Variants in SLC4A3 observed in about 807,000 individuals in gnomAD.
SLC4A3 encodes anion exchange protein 3.
A neutral mutation model predicts 114.2 loss-of-function variants in SLC4A3; 47 were observed. That is an observed-to-expected ratio of 0.41 (90% CI 0.33 to 0.52). The LOEUF (loss-of-function observed/expected upper bound fraction) is 0.52. Among genes scored for constraint, SLC4A3 ranks in the 20% least tolerant of loss-of-function variants. SLC4A3 has a pLI of 0.21. For missense variants in SLC4A3, 1,312 were observed against 1,668.3 expected (o/e 0.79, Z 3.72); for synonymous variants, 693 against 710.3 (o/e 0.98, Z 0.39).
chr2:219,632,555 C>A, intron 8 of SLC4A3, 113 bp downstream of exon 8: 1 of 1,255,748 alleles, frequency 8.0e-7, no homozygotes. Flanking sequence ...ATCCAACTGC[C>A]ACCTGGGACC....
rs746843074 is a variant in SLC4A3, at chr2:219,639,446, G to A, written c.3024-36G>A. Reference sequence around the variant, plus strand: ...TGTCTTTGTCCCCTGCCCCTGCCAGGCCAGCCACACCCCGCTCCCCACCTT... The same window carrying A: ...TGTCTTTGTCCCCTGCCCCTGCCAGACCAGCCACACCCCGCTCCCCACCTT... On this transcript the variant is annotated intron_variant, in intron 19 of 22. Coordinates refer to ENST00000358055, the MANE Select transcript of SLC4A3 (RefSeq NM_005070.4). This position sits in a 1 kb window ranked among gnomAD's most constrained non-coding sequence, Gnocchi z 5.9. 3 of 1,595,876 alleles carry A rather than the reference G, an allele frequency of 1.9e-6. No individual in the cohort carries two copies. The highest frequency in any genetic ancestry group is 2.6e-6 in the Non-Finnish European group (3 of 1,172,616).
chr2:219,640,299 C>T, intron 20 of SLC4A3, 131 bp from the exon 21 acceptor site: 7 of 877,454 alleles, frequency 8.0e-6, no homozygotes, highest in Non-Finnish European at 1.2e-5. Flanking sequence ...GTCCATGTCG[C>T]CTCCCCCCAG....
In SLC4A3 at chr2:219,637,167, T is replaced by C. The variant is rs180844950; in HGVS notation, c.2535+293T>C. 2.9e-3 allele frequency among the ~76,000 whole-genome samples: 443 copies of C among 151,608 alleles called. 1 individual carries two copies. Among genetic ancestry groups the C allele is most frequent in the Non-Finnish European group, 4.9e-3 (331 of 67,846 alleles). On this transcript the variant is annotated intron_variant, in intron 16 of 22. Coordinates refer to ENST00000358055, the MANE Select transcript of SLC4A3 (RefSeq NM_005070.4). The surrounding 1 kb of genome is among the most constrained non-coding windows in gnomAD (Gnocchi z 4.6). ...GAGCTGTCAGTGCTAAGGGGCTGGG[T>C]GTCCTTGGGTCACCTTTTGTAGAGG...
rs1207341910 is a variant in SLC4A3, at chr2:219,640,564, G to A, written c.3412G>A (p.Ala1138Thr). The A allele has an allele frequency of 6.2e-7, 1 of 1,614,150 alleles. No homozygotes were observed. ...GCGTTTGTTGCTCATCCTCATGCCG[G>A]CAAAACACCATCCTGAGCAGCCCTA... is the stretch of plus-strand genomic sequence containing the variant. ...SQRLLLILMPAKHHPEQPYVT... is the reference protein window; with the variant it reads ...SQRLLLILMPTKHHPEQPYVT... Residue 1138 changes from alanine to threonine, a missense_variant, in exon 21 of 23, where the codon GCA becomes ACA. Physicochemically the swap from Ala to Thr is moderately conservative, Grantham distance 58. Transcript: ENST00000358055.
chr2:219,641,674 A>G lies in SLC4A3; in HGVS notation c.3645A>G (p.Pro1215=). The change falls in exon 23 of 23, where the codon CCA becomes CCG. Residue 1215 remains proline (P), a synonymous_variant. Transcript: ENST00000358055. This position sits in a 1 kb window ranked among gnomAD's most constrained non-coding sequence, Gnocchi z 4.0. Reference sequence around the variant, plus strand: ...AGCTGGACTCGGAAGATGCTGAACCAAACTTCGATGAGGATGGCCAGGATG... The same window carrying G: ...AGCTGGACTCGGAAGATGCTGAACCGAACTTCGATGAGGATGGCCAGGATG... The part of the protein sequence containing the change: ...LQALDSEDAE[P]NFDEDGQDEY... 1 of 1,614,120 alleles carries G rather than the reference A, an allele frequency of 6.2e-7. No homozygotes were observed.
rs371602156 is a variant in SLC4A3 at position 219,639,566 on chromosome 2, G to A, written c.3108G>A (p.Gly1036=). 5.0e-5 allele frequency: 81 copies of A among 1,614,070 alleles called. 1 individual carries two copies. In the South Asian group the frequency reaches 8.5e-4, roughly 17 times the overall value. ...TGCTCCTCATTGGCTCCCTGGGGGG[G>A]CTCTGTGGGCTGTTTGGGTTGCCCT... ...LDLLLIGSLG[G]LCGLFGLPWL... is the part of the protein sequence containing the mutation. Residue 1036 remains glycine (G), a synonymous_variant, in exon 20 of 23, where the codon GGG becomes GGA. Coordinates refer to ENST00000358055, the MANE Select transcript of SLC4A3 (RefSeq NM_005070.4). The surrounding 1 kb of genome is among the most constrained non-coding windows in gnomAD (Gnocchi z 5.9).
In SLC4A3 at chr2:219,636,660, C is replaced by T; in HGVS notation, c.2341-20C>T. 1.9e-6 allele frequency: 3 copies of T among 1,603,598 alleles called. No individual in the cohort carries two copies. The highest frequency in any genetic ancestry group is 2.6e-6 in the Non-Finnish European group (3 of 1,174,118). On this transcript the variant is annotated intron_variant, in intron 15 of 22. Coordinates refer to ENST00000358055, the MANE Select transcript of SLC4A3 (RefSeq NM_005070.4). This position sits in a 1 kb window ranked among gnomAD's most constrained non-coding sequence, Gnocchi z 5.5. ...AGGGCAGTCCACCTGTGGGTAACGACCGCTCCTACCCCCACCTAGTTCTGC... is the reference window on the plus strand; with the variant it reads ...AGGGCAGTCCACCTGTGGGTAACGATCGCTCCTACCCCCACCTAGTTCTGC...
At position 219,637,681 on chromosome 2, in the gene SLC4A3, C is replaced by A; in HGVS notation, c.2636C>A (p.Pro879His). The A allele has an allele frequency of 1.2e-6, 2 of 1,611,456 alleles. No individual in the cohort carries two copies. The highest frequency in any genetic ancestry group is 1.1e-5 in the South Asian group (1 of 91,036). ...GAGCCAAATGGCAGTGCCCTGCCCCCCACCGAGGGCCCCCCCAGCCCGAGG... is the reference window on the plus strand; with the variant it reads ...GAGCCAAATGGCAGTGCCCTGCCCCACACCGAGGGCCCCCCCAGCCCGAGG... ...GLEPNGSALPPTEGPPSPRNQ... is the reference protein window; with the variant it reads ...GLEPNGSALPHTEGPPSPRNQ... Residue 879 changes from proline (P) to histidine (H), a missense_variant, in exon 17 of 23, where the codon CCC (proline) becomes CAC (histidine). Coordinates refer to ENST00000358055, the MANE Select transcript of SLC4A3 (RefSeq NM_005070.4). The surrounding 1 kb of genome is among the most constrained non-coding windows in gnomAD (Gnocchi z 4.6).
rs567839897 is a variant in SLC4A3, at chr2:219,633,167, T to C, written c.1278-107T>C. On this transcript the variant is annotated intron_variant, in intron 9 of 22. Coordinates refer to ENST00000358055, the MANE Select transcript of SLC4A3 (RefSeq NM_005070.4). ...CTTTCAATCATTATAAAGTTTCTTTTTACACTGAGGCAGAGGGATGGAGGT... is the reference window on the plus strand; with the variant it reads ...CTTTCAATCATTATAAAGTTTCTTTCTACACTGAGGCAGAGGGATGGAGGT... 6.5e-5 allele frequency: 90 copies of C among 1,388,210 alleles called. No individual in the cohort carries two copies. The African/African-American group carries it at 1.3e-3, about 19-fold the overall frequency. 86.0% of individuals were successfully genotyped at this position (1,388,210 alleles called of 1,614,324 possible). A position where few individuals can be genotyped will look rare whatever the true frequency, so the allele number is the denominator to read the frequency against.
rs1272427051 is a variant in SLC4A3, at chr2:219,641,342, A to G, written c.3622-309A>G. 1.3e-5 allele frequency among the ~76,000 whole-genome samples: 2 copies of G among 152,196 alleles called. No homozygotes were observed. The highest frequency in any genetic ancestry group is 2.9e-5 in the Non-Finnish European group (2 of 68,038). On this transcript the variant is annotated intron_variant, in intron 22 of 22. Transcript: ENST00000358055. The surrounding 1 kb of genome is among the most constrained non-coding windows in gnomAD (Gnocchi z 4.0). The stretch of plus-strand genomic sequence containing the variant: ...GTTTTTGTCAACTAGAGGAAAAGAC[A>G]TCTTTTTGCAATTTATCCATACTCA...
Position 219,639,379 on chromosome 2 carries a change from C to T in SLC4A3, c.3024-103C>T. On this transcript the variant is annotated intron_variant, in intron 19 of 22. Coordinates refer to ENST00000358055, the MANE Select transcript of SLC4A3 (RefSeq NM_005070.4). This position sits in a 1 kb window ranked among gnomAD's most constrained non-coding sequence, Gnocchi z 5.9. ...TGGCAGTCCTAGGGAGAACTGTTGT[C>T]TGCACGTCCTCCCCCCACCATCTCG... 2 of 1,369,906 alleles carry T rather than the reference C, an allele frequency of 1.5e-6. No individual in the cohort carries two copies. Among genetic ancestry groups the T allele is most frequent in the Non-Finnish European group, 2.0e-6 (2 of 992,192 alleles). 84.9% of individuals were successfully genotyped at this position (1,369,906 alleles called of 1,614,324 possible). A position where few individuals can be genotyped will look rare whatever the true frequency, so the allele number is the denominator to read the frequency against.
chr2:219,640,089 C>T (rs1191095345), intron 20 of SLC4A3, among the ~76,000 whole-genome samples: 2 of 152,182 alleles, frequency 1.3e-5, no homozygotes, highest in Non-Finnish European at 2.9e-5. Context: ...CCACCACGCC[C>T]AGCTAATTTT....
intron 8 of SLC4A3, 145 bp from the exon 9 acceptor site, chr2:219,632,729 A>G (rs1253615680): frequency 9.6e-7 from 1 of 1,043,814 alleles, no homozygotes; most frequent in Admixed American, 2.5e-5. Flanking sequence ...GCCTGTGGCA[A>G]TATGGAGCTG....
chr2:219,634,300 G>A, intron 11 of SLC4A3, 120 bp from the exon 12 acceptor site: 4 of 948,128 alleles, frequency 4.2e-6, no homozygotes, highest in Admixed American at 2.3e-5. Context: ...TTTTAGACTG[G>A]GGTTTCTTTG....
Position 219,641,612 on chromosome 2 carries a change from T to G in SLC4A3, c.3622-39T>G. ...GCTGGAGAATGGGAGGGGACGAGCATGCTTCCCTGCCTTCCCCAACCTTCT... is the reference window on the plus strand; with the variant it reads ...GCTGGAGAATGGGAGGGGACGAGCAGGCTTCCCTGCCTTCCCCAACCTTCT... On this transcript the variant is annotated intron_variant, in intron 22 of 22. Transcript: ENST00000358055. This position sits in a 1 kb window ranked among gnomAD's most constrained non-coding sequence, Gnocchi z 4.0. The G allele has an allele frequency of 1.3e-6, 2 of 1,543,284 alleles. No individual in the cohort carries two copies. Among genetic ancestry groups the G allele is most frequent in the Non-Finnish European group, 1.8e-6 (2 of 1,115,686 alleles).
At position 219,633,284 on chromosome 2, in the gene SLC4A3, G is replaced by T; in HGVS notation, c.1288G>T (p.Asp430Tyr). 1 of 1,559,336 alleles carries T rather than the reference G, an allele frequency of 6.4e-7. No individual in the cohort carries two copies. Among genetic ancestry groups the T allele is most frequent in the Non-Finnish European group, 8.7e-7 (1 of 1,149,512 alleles). Residue 430 changes from aspartate (D) to tyrosine (Y), a missense_variant, in exon 10 of 23, where the codon GAT becomes TAT. Around this residue, in one of 4 missense-constraint regions of SLC4A3, gnomAD observed 771 missense variants for 977.7 expected, o/e 0.79. Coordinates refer to ENST00000358055, the MANE Select transcript of SLC4A3 (RefSeq NM_005070.4). ...CCCTGCCCCTTCCAGCCATCCCAACGATGACAAGGACAGTGGCTTCTTTCC... is the reference window on the plus strand; with the variant it reads ...CCCTGCCCCTTCCAGCCATCCCAACTATGACAAGGACAGTGGCTTCTTTCC... ...TLLLKHSHPN[D>Y]DKDSGFFPRN...
At position 219,627,985 on chromosome 2, in the gene SLC4A3, A is replaced by C. The variant is rs781659581; in HGVS notation, c.-8A>C. 1.3e-6 allele frequency: 2 copies of C among 1,597,090 alleles called. No individual in the cohort carries two copies. Among genetic ancestry groups the C allele is most frequent in the African/African-American group, 1.4e-5 (1 of 73,470 alleles). On this transcript the variant is annotated 5_prime_UTR_variant, in exon 2 of 23. Coordinates refer to ENST00000358055, the MANE Select transcript of SLC4A3 (RefSeq NM_005070.4). ...TGAGCGAGAGCGTCCCCAGCCGCCT[A>C]CCTGGCCATGGCCAACGGAGTGATC...
chr2:219,631,230 AC>A lies in SLC4A3; in HGVS notation c.812-736del, dbSNP rs1698907501. 8.0e-7 allele frequency: 1 copy of A among 1,249,750 alleles called. No individual in the cohort carries two copies. The highest frequency in any genetic ancestry group is 2.6e-5 in the Admixed American group (1 of 37,814). 77.4% of individuals were successfully genotyped at this position (1,249,750 alleles called of 1,614,324 possible). On this transcript the variant is annotated intron_variant, in intron 6 of 22. Transcript: ENST00000358055. The surrounding 1 kb of genome is among the most constrained non-coding windows in gnomAD (Gnocchi z 6.3). ...GGGAGCGGAGGCCGAGGTCTCGGCCACCGGGAGAATGACGAGCCCACTGGAG... is the reference window on the plus strand; with the variant it reads ...GGGAGCGGAGGCCGAGGTCTCGGCCACGGGAGAATGACGAGCCCACTGGAG...
In SLC4A3 at chr2:219,629,197, C is replaced by T. The variant is rs747044640; in HGVS notation, c.271C>T (p.Pro91Ser). Residue 91 changes from proline to serine, a missense_variant, in exon 4 of 23, where the codon CCA (proline) becomes TCA (serine). By Grantham distance (74) the Pro-to-Ser change is moderately conservative. Transcript: ENST00000358055. ...THHPLSARLP[P>S]PHKLRRLPPT... is the part of the protein sequence containing the mutation. ...CCACCCGCTCTCAGCGCGCCTGCCT[C>T]CACCCCACAAGCTGCGGCGGCTGCC... The T allele has an allele frequency of 2.5e-6, 4 of 1,612,088 alleles. No individual in the cohort carries two copies. In the South Asian group the frequency reaches 4.4e-5, roughly 18 times the overall value.
Sources: allele counts gnomAD v4.1 joint callset (sites outside exome capture counted in the v4.1 genomes callset), GRCh38; gene constraint gnomAD v4.1.1; regional missense constraint gnomAD v4.1.1; non-coding constraint Gnocchi (gnomAD v3.1); transcripts MANE v1.5; gene names NCBI Gene and HGNC (gene_info 2026-07-23, HGNC 2026-07-21).